The following UGT1A9 variants were observed in gnomAD, a reference collection of about 807,000 sequenced individuals.
The protein encoded by UGT1A9 is UDP glucuronosyltransferase family 1 member A9, also known as UDP-glucuronosyltransferase 1A9.
Under a neutral mutation model 45.0 loss-of-function variants are expected in UGT1A9, and 35 were observed. The ratio of observed to expected loss-of-function variants is 0.78; its 90% CI spans 0.59 to 1.03. The LOEUF (loss-of-function observed/expected upper bound fraction) is 1.03. Ranked by LOEUF, UGT1A9 falls within the 50% of genes least tolerant of loss-of-function variation. The pLI, the probability that UGT1A9 is intolerant of heterozygous loss-of-function variation, is 0.00. For synonymous variants in UGT1A9, 278 were observed against 250.6 expected, an observed-to-expected ratio of 1.11 and a Z score of -1.03; for missense variants, 687 against 666.6, an observed-to-expected ratio of 1.03 and a Z score of -0.34.
At chr2:233,697,567 A>T (rs1248890446) in intron 1 of UGT1A9, among the ~76,000 whole-genome samples, 1 of 148,818 alleles carries the variant, frequency 6.7e-6, no homozygotes, top group African/African-American at 2.5e-5. Context: ...GCCTCAATTT[A>T]ATTTATTTTT....
At chr2:233,729,037 G>A in intron 1 of UGT1A9, 2 of 1,603,940 alleles carry the variant, frequency 1.2e-6, no homozygotes, top group Non-Finnish European at 1.7e-6. Context: ...TTTGCTAAGT[G>A]GCTCAGTGAC....
At chr2:233,750,281 G>C (rs1417802179) in intron 1 of UGT1A9, among the ~76,000 whole-genome samples, 1 of 151,952 alleles carries the variant, frequency 6.6e-6, no homozygotes, top group Non-Finnish European at 1.5e-5. Context: ...CAAAGAGACT[G>C]GTGGCATTTT....
chr2:233,756,239 T>C (rs1242345996), intron 1 of UGT1A9: 1 of 152,226 alleles, frequency 6.6e-6, no homozygotes, highest in East Asian at 1.9e-4. Context: ...ACAACCCTCC[T>C]TCCCCATACC....
intron 1 of UGT1A9, chr2:233,760,458 A>T (rs1336419159): frequency 6.2e-7 from 1 of 1,614,212 alleles, no homozygotes; most frequent in Non-Finnish European, 8.5e-7. Flanking sequence ...GACATGAAAT[A>T]GTTGTCCTAG....
At chr2:233,711,340 A>C (rs2076174915) in intron 1 of UGT1A9, among the ~76,000 whole-genome samples, 1 of 152,198 alleles carries the variant, frequency 6.6e-6, no homozygotes, top group Non-Finnish European at 1.5e-5. Flanking sequence ...CTGCATGGAG[A>C]TAGAACAGGG....
intron 1 of UGT1A9, among the ~76,000 whole-genome samples, chr2:233,694,195 G>T (rs1386448927): frequency 6.6e-6 from 1 of 152,134 alleles, no homozygotes; most frequent in Non-Finnish European, 1.5e-5. Context: ...AACAGGTCCA[G>T]GTTAAAATCC....
At chr2:233,730,680 C>T (rs1218688522) in intron 1 of UGT1A9, among the ~76,000 whole-genome samples, 1 of 152,088 alleles carries the variant, frequency 6.6e-6, no homozygotes, top group African/African-American at 2.4e-5. Flanking sequence ...GTAATGGTTG[C>T]ATCTCAAATG....
At chr2:233,681,908 C>G in intron 1 of UGT1A9, 1 of 1,598,330 alleles carries the variant, frequency 6.3e-7, no homozygotes, top group Middle Eastern at 1.7e-4. Flanking sequence ...CTTAGAATCC[C>G]AGCTGCTGGC....
chr2:233,769,382 A>G lies in UGT1A9; in HGVS notation c.1295+943A>G. 1 of 1,021,984 alleles carries G rather than the reference A, an allele frequency of 9.8e-7. No individual in the cohort carries two copies. The highest frequency in any genetic ancestry group is 1.6e-5 in the South Asian group (1 of 63,370). 63.3% of individuals were successfully genotyped at this position (1,021,984 alleles called of 1,614,324 possible). On this transcript the variant is annotated intron_variant, in intron 4 of 4. Transcript: ENST00000354728. This position sits in a 1 kb window ranked among gnomAD's most constrained non-coding sequence, Gnocchi z 4.4. ...GGCCAGTGGTAGATTTCATCCGACAATAGATACTGTGTGCATATGTGCGTG... is the reference window on the plus strand; with the variant it reads ...GGCCAGTGGTAGATTTCATCCGACAGTAGATACTGTGTGCATATGTGCGTG...
intron 1 of UGT1A9, among the ~76,000 whole-genome samples, chr2:233,720,365 G>C (rs920594093): frequency 6.6e-6 from 1 of 152,064 alleles, no homozygotes; most frequent in East Asian, 1.9e-4. Context: ...ATGTCAAAAG[G>C]GTCTTCTACT....
chr2:233,768,189 C>T, intron 3 of UGT1A9, 31 bp from the exon 4 acceptor site: 1 of 1,614,040 alleles, frequency 6.2e-7, no homozygotes. Flanking sequence ...AGAGATGTAA[C>T]TGCTGACATC....
At chr2:233,710,700 T>C (rs1342803924) in intron 1 of UGT1A9, among the ~76,000 whole-genome samples, 2 of 152,204 alleles carry the variant, frequency 1.3e-5, no homozygotes, top group Non-Finnish European at 2.9e-5. Flanking sequence ...TGGTGTGTGG[T>C]GTCCTTTGTT....
chr2:233,725,828 G>A (rs372072402), intron 1 of UGT1A9, among the ~76,000 whole-genome samples: 8 of 152,124 alleles, frequency 5.3e-5, no homozygotes, highest in Middle Eastern at 3.4e-3. Flanking sequence ...TACCAGTATT[G>A]CTACTCCTAT....
Position 233,769,804 on chromosome 2 carries a change from G to A in UGT1A9, c.1295+1365G>A, listed in dbSNP as rs1028893693. On this transcript the variant is annotated intron_variant, in intron 4 of 4. Transcript: ENST00000354728. The surrounding 1 kb of genome is among the most constrained non-coding windows in gnomAD (Gnocchi z 4.4). ...CAGAAGTTGGAGGCTGCTATGAGCCGTGATCATGCCACTGCACTCCAGCAA... is the reference window on the plus strand; with the variant it reads ...CAGAAGTTGGAGGCTGCTATGAGCCATGATCATGCCACTGCACTCCAGCAA... 2.8e-5 allele frequency: 31 copies of A among 1,110,686 alleles called. No individual in the cohort carries two copies. The highest frequency in any genetic ancestry group is 1.3e-4 in the African/African-American group (8 of 62,658). The allele number at this position is 1,110,686 out of a possible 1,614,324, so 68.8% of individuals were successfully genotyped here.
chr2:233,755,767 T>C (rs1575738311), intron 1 of UGT1A9: 1 of 152,920 alleles, frequency 6.5e-6, no homozygotes, highest in African/African-American at 2.4e-5. Context: ...CTTTTGTTCA[T>C]CTGGATTATG....
At position 233,772,792 on chromosome 2, in the gene UGT1A9, A is replaced by C; in HGVS notation, c.*233A>C. 2.5e-6 allele frequency: 3 copies of C among 1,219,898 alleles called. No individual in the cohort carries two copies. Among genetic ancestry groups the C allele is most frequent in the Non-Finnish European group, 3.3e-6 (3 of 917,948 alleles). The allele number at this position is 1,219,898 out of a possible 1,614,324, so 75.6% of individuals were successfully genotyped here. On this transcript the variant is annotated 3_prime_UTR_variant, in exon 5 of 5. Transcript: ENST00000354728. ...CTCTGGTGTCTTTGATCAGGATGAC[A>C]TGTGCCATTTTTCAGAGGACGTGCA...
chr2:233,760,186 C>A (rs1697340087), intron 1 of UGT1A9: 1 of 1,558,560 alleles, frequency 6.4e-7, no homozygotes, highest in African/African-American at 1.4e-5. Flanking sequence ...TTTTTATAGT[C>A]ACGTGACACA....
chr2:233,724,617 C>G (rs553228713), intron 1 of UGT1A9, among the ~76,000 whole-genome samples: 1 of 135,362 alleles, frequency 7.4e-6, no homozygotes, highest in South Asian at 2.8e-4. Flanking sequence ...CGGGCAGAGA[C>G]GCTCCTCACT....
intron 1 of UGT1A9, among the ~76,000 whole-genome samples, chr2:233,683,732 C>A (rs2074647819): frequency 6.6e-6 from 1 of 152,060 alleles, no homozygotes; most frequent in Non-Finnish European, 1.5e-5. Flanking sequence ...GCAATTTTCC[C>A]ATTTCTCTTT....
Sources: gnomAD v4.1 joint callset for allele counts (sites outside exome capture counted in the v4.1 genomes callset) on GRCh38, gnomAD v4.1.1 for gene constraint, Gnocchi (gnomAD v3.1) non-coding constraint, MANE v1.5 for transcripts, NCBI Gene and HGNC (gene_info 2026-07-23, HGNC 2026-07-21) for gene names.